Variants in IQCJ observed in about 807,000 individuals in gnomAD.
IQCJ encodes the protein IQ domain-containing protein J.
A neutral mutation model predicts 11.0 loss-of-function variants in IQCJ; 9 were observed. That is an observed-to-expected ratio of 0.82 (90% confidence interval 0.49 to 1.43). The LOEUF is 1.43. IQCJ is among the 40% of genes most tolerant of loss of function. The pLI is 0.00. For missense variants in IQCJ, 146 were observed against 133.2 expected (o/e 1.10, Z -0.47); for synonymous variants, 55 against 51.3 (o/e 1.07, Z -0.31).
chr3:159,215,723 C>G (rs953887936), intron 1 of IQCJ, among the ~76,000 whole-genome samples: 13 of 152,106 alleles, frequency 8.5e-5, no homozygotes, highest in Admixed American at 7.2e-4. Context: ...TATCAGTTAT[C>G]TACAATTTTC....
rs926682636 is a variant in IQCJ at position 159,088,774 on chromosome 3, A to T, written c.9+19333A>T. ...TTTTTTTGTTTTCCATTTGCTTGGT[A>T]GATCTTCCTCCATCCTTTTATTTTG... is the stretch of plus-strand genomic sequence containing the variant. On this transcript the variant is annotated intron_variant, in intron 1 of 3. Coordinates refer to ENST00000397832, the MANE Select transcript of IQCJ (RefSeq NM_001042706.3). Among the ~76,000 whole-genome samples, 587 of 152,034 alleles carry T rather than the reference A, an allele frequency of 3.9e-3. 6 individuals carry two copies. Among genetic ancestry groups the T allele is most frequent in the African/African-American group, 0.013 (522 of 41,446 alleles).
At chr3:159,141,058 A>G (rs1720572589) in intron 1 of IQCJ, among the ~76,000 whole-genome samples, 1 of 152,312 alleles carries the variant, frequency 6.6e-6, no homozygotes, top group South Asian at 2.1e-4. Context: ...TGCAATGTTG[A>G]CCTATTCAGC....
At chr3:159,170,845 G>T (rs1435089900) in intron 1 of IQCJ, among the ~76,000 whole-genome samples, 1 of 152,148 alleles carries the variant, frequency 6.6e-6, no homozygotes, top group African/African-American at 2.4e-5. Flanking sequence ...AGTTAAAAAA[G>T]AACAGTGAAG....
chr3:159,120,913 G>A (rs1236922751), intron 1 of IQCJ, among the ~76,000 whole-genome samples: 1 of 152,096 alleles, frequency 6.6e-6, no homozygotes, highest in Non-Finnish European at 1.5e-5. Flanking sequence ...GTGCCCAGAT[G>A]GCTGCTCTTT....
chr3:159,137,507 C>T (rs1162679853), intron 1 of IQCJ, among the ~76,000 whole-genome samples: 1 of 152,082 alleles, frequency 6.6e-6, no homozygotes, highest in Non-Finnish European at 1.5e-5. Context: ...AGATTTTTGT[C>T]AGATTCATCA....
Position 159,262,647 on chromosome 3 carries a change from T to C in IQCJ, c.255T>C (p.Ser85=), listed in dbSNP as rs775096379. ...PSVSSEKLSS[S]VSMNTFSDSS... The stretch of plus-strand genomic sequence containing the variant: ...TCTCCTCAGAGAAGCTGAGCAGCTC[T>C]GTCAGCATGAACACCTTCTCCGACA... The change falls in exon 4 of 4, where the codon TCT becomes TCC. Residue 85 remains serine, a synonymous_variant. Transcript: ENST00000397832. The C allele has an allele frequency of 2.5e-6, 4 of 1,614,032 alleles. No homozygotes were observed. The South Asian group carries it at 3.3e-5, about 13-fold the overall frequency.
intron 1 of IQCJ, among the ~76,000 whole-genome samples, chr3:159,103,050 A>C (rs530830782): frequency 6.6e-6 from 1 of 152,346 alleles, no homozygotes; most frequent in South Asian, 2.1e-4. Context: ...AGCCTCTAGC[A>C]CTAGGCTTTT....
intron 1 of IQCJ, among the ~76,000 whole-genome samples, chr3:159,156,306 C>A (rs1001603420): frequency 6.6e-6 from 1 of 152,026 alleles, no homozygotes; most frequent in Non-Finnish European, 1.5e-5. Flanking sequence ...TGTGAAGAAG[C>A]AAGAGATAAC....
intron 1 of IQCJ, among the ~76,000 whole-genome samples, chr3:159,085,529 C>T (rs1716689516): frequency 6.7e-6 from 1 of 149,626 alleles, no homozygotes; most frequent in Admixed American, 6.6e-5. Flanking sequence ...TTTACAGTCC[C>T]ACCAACAGTG....
At chr3:159,251,830 C>T (rs1351850508) in intron 2 of IQCJ, among the ~76,000 whole-genome samples, 12 of 152,100 alleles carry the variant, frequency 7.9e-5, no homozygotes, top group Admixed American at 7.9e-4. Flanking sequence ...ATTATCTCTC[C>T]AAGCTTCAGA....
chr3:159,125,446 G>A (rs1300722090), intron 1 of IQCJ, among the ~76,000 whole-genome samples: 1 of 152,156 alleles, frequency 6.6e-6, no homozygotes, highest in Non-Finnish European at 1.5e-5. Context: ...TAAAGCATGG[G>A]CTTTTGTTGA....
chr3:159,133,609 T>C (rs1232071122), intron 1 of IQCJ, among the ~76,000 whole-genome samples: 2 of 152,158 alleles, frequency 1.3e-5, no homozygotes, highest in African/African-American at 4.8e-5. Context: ...ACATGGGATC[T>C]TTGAGGGGCT....
chr3:159,141,536 A>C (rs1720603788), intron 1 of IQCJ, among the ~76,000 whole-genome samples: 1 of 152,212 alleles, frequency 6.6e-6, no homozygotes, highest in Non-Finnish European at 1.5e-5. Context: ...AATAAGGCAA[A>C]AGCAGCTTAC....
intron 1 of IQCJ, among the ~76,000 whole-genome samples, chr3:159,195,002 C>A (rs1723902050): frequency 6.6e-6 from 1 of 151,868 alleles, no homozygotes; most frequent in Admixed American, 6.6e-5. Context: ...TCCCAGCTAC[C>A]CAGAAGGCTG....
chr3:159,072,852 G>C (rs1360921573), intron 1 of IQCJ, among the ~76,000 whole-genome samples: 2 of 151,974 alleles, frequency 1.3e-5, no homozygotes, highest in Non-Finnish European at 2.9e-5. Context: ...AGATTCTAGA[G>C]CCCAGCCTTC....
At chr3:159,148,574 C>T (rs766425684) in intron 1 of IQCJ, among the ~76,000 whole-genome samples, 8 of 152,206 alleles carry the variant, frequency 5.3e-5, no homozygotes, top group Admixed American at 1.3e-4. Flanking sequence ...TGACATCTTT[C>T]TAGTACAAAG....
intron 1 of IQCJ, among the ~76,000 whole-genome samples, chr3:159,109,433 C>T (rs571072201): frequency 3.2e-4 from 48 of 148,314 alleles, no homozygotes; most frequent in Non-Finnish European, 5.8e-4. Context: ...TGCATTTTAA[C>T]TCACAAATAG....
At chr3:159,221,567 C>G (rs2108119425) in intron 1 of IQCJ, among the ~76,000 whole-genome samples, 1 of 152,164 alleles carries the variant, frequency 6.6e-6, no homozygotes, top group Admixed American at 6.5e-5. Flanking sequence ...ACTTTAAAAG[C>G]ACATAATATT....
intron 1 of IQCJ, among the ~76,000 whole-genome samples, chr3:159,224,454 A>G (rs754096590): frequency 1.3e-4 from 20 of 152,232 alleles, no homozygotes; most frequent in Non-Finnish European, 2.4e-4. Flanking sequence ...GTGTGAATAT[A>G]CTACTGAATA....
Sources: allele counts gnomAD v4.1 joint callset (sites outside exome capture counted in the v4.1 genomes callset), GRCh38; gene constraint gnomAD v4.1.1; transcripts MANE v1.5; gene names NCBI Gene and HGNC (gene_info 2026-07-23, HGNC 2026-07-21).